ZNRF2: variants seen among roughly 807,000 people sequenced by gnomAD.
ZNRF2 encodes E3 ubiquitin-protein ligase ZNRF2.
Under a neutral mutation model 20.4 loss-of-function variants are expected in ZNRF2, and 16 were observed. The ratio of observed to expected loss-of-function variants is 0.79; its 90% CI spans 0.53 to 1.19. The LOEUF (loss-of-function observed/expected upper bound fraction) is 1.19, where lower values mean the gene tolerates loss of function less well. Ranked by LOEUF, ZNRF2 falls within the 50% of genes most tolerant of loss-of-function variation. The pLI is 0.00. For missense variants in ZNRF2, 363 were observed against 332.4 expected (o/e 1.09, Z -0.72); for synonymous variants, 178 against 144.9 (o/e 1.23, Z -1.64).
At chr7:30,349,642 T>C (rs1799934304) in intron 2 of ZNRF2, among the ~76,000 whole-genome samples, 1 of 152,096 alleles carries the variant, frequency 6.6e-6, no homozygotes, top group African/African-American at 2.4e-5. Context: ...ATTGCCACTA[T>C]GAGCCTACAT....
chr7:30,289,218 G>GC (rs1308452097), intron 1 of ZNRF2, among the ~76,000 whole-genome samples: 1 of 152,210 alleles, frequency 6.6e-6, no homozygotes, highest in Non-Finnish European at 1.5e-5. Context: ...TAACTCAGGT[G>GC]CCTTGCTACT....
intron 2 of ZNRF2, among the ~76,000 whole-genome samples, chr7:30,348,668 T>G (rs1466239688): frequency 6.6e-6 from 1 of 152,212 alleles, no homozygotes; most frequent in Non-Finnish European, 1.5e-5. Flanking sequence ...CAGCTGCCCC[T>G]TTTTGATAGG....
chr7:30,346,169 G>GTTTTTTTTTTTTTTTTTTTTTTT (rs1799874790), intron 2 of ZNRF2, among the ~76,000 whole-genome samples: 1 of 29,616 alleles, frequency 3.4e-5, no homozygotes. Context: ...TGTTAAGTCT[G>GTTTTTTTTTTTTTTTTTTTTTTT]ATTTTTTTTT....
chr7:30,360,042 C>T (rs1207808209), intron 3 of ZNRF2, among the ~76,000 whole-genome samples: 1 of 152,164 alleles, frequency 6.6e-6, no homozygotes, highest in Non-Finnish European at 1.5e-5. Context: ...GTAGATAACC[C>T]TGTAATAGCT....
At chr7:30,299,373 C>T (rs182238614) in intron 1 of ZNRF2, among the ~76,000 whole-genome samples, 1,537 of 151,238 alleles carry the variant, frequency 0.01, 17 homozygotes, top group Non-Finnish European at 0.015. Context: ...GAGTTGAAAT[C>T]GCGCCATGGC....
intron 3 of ZNRF2, 42 bp downstream of exon 3, chr7:30,355,875 A>C: frequency 9.6e-6 from 14 of 1,458,200 alleles, no homozygotes; most frequent in Non-Finnish European, 1.2e-5. Context: ...GATTGTTCTC[A>C]CAGTTTCAGA....
chr7:30,322,902 A>G (rs1412400316), intron 1 of ZNRF2, among the ~76,000 whole-genome samples: 1 of 152,208 alleles, frequency 6.6e-6, no homozygotes, highest in Non-Finnish European at 1.5e-5. Flanking sequence ...AGAGCTGAAT[A>G]CATCAAATAG....
chr7:30,315,729 G>GA (rs1162090463), intron 1 of ZNRF2, among the ~76,000 whole-genome samples: 2 of 87,990 alleles, frequency 2.3e-5, no homozygotes, highest in African/African-American at 3.8e-5. Flanking sequence ...AGGTGGGGCG[G>GA]GGGGGGGGGG....
At chr7:30,304,359 T>C (rs1020114642) in intron 1 of ZNRF2, among the ~76,000 whole-genome samples, 7 of 152,246 alleles carry the variant, frequency 4.6e-5, no homozygotes, top group African/African-American at 1.7e-4. Flanking sequence ...GCCAGATTGC[T>C]TTCTAGGGAA....
chr7:30,317,032 AC>A (rs1799386360), intron 1 of ZNRF2, among the ~76,000 whole-genome samples: 1 of 151,914 alleles, frequency 6.6e-6, no homozygotes, highest in Admixed American at 6.6e-5. Context: ...AAACAATTTT[AC>A]CTTTGAACGG....
chr7:30,332,343 A>G (rs550887422), intron 2 of ZNRF2, among the ~76,000 whole-genome samples: 68 of 152,296 alleles, frequency 4.5e-4, no homozygotes, highest in African/African-American at 1.4e-3. Flanking sequence ...TGAGAGGTAA[A>G]CATGCTGTAG....
intron 1 of ZNRF2, among the ~76,000 whole-genome samples, chr7:30,295,042 AGAGAGAGAGTGTGT>A (rs1798990294): frequency 2.6e-5 from 3 of 114,990 alleles, no homozygotes; most frequent in African/African-American, 1.2e-4. Flanking sequence ...AGAGAGAGAG[AGAGAGAGAGTGTGT>A]GTGTGTGTGT....
intron 1 of ZNRF2, among the ~76,000 whole-genome samples, chr7:30,309,489 C>T (rs911580397): frequency 3.3e-5 from 5 of 152,158 alleles, no homozygotes; most frequent in Non-Finnish European, 7.4e-5. Flanking sequence ...TCTTTGAAAA[C>T]CCAGACATAC....
intron 1 of ZNRF2, among the ~76,000 whole-genome samples, chr7:30,316,315 A>AAG (rs1799375598): frequency 6.7e-6 from 1 of 149,042 alleles, no homozygotes; most frequent in Admixed American, 6.6e-5. Flanking sequence ...AAAAAAAAAA[A>AAG]AAAAAGAATT....
intron 3 of ZNRF2, among the ~76,000 whole-genome samples, chr7:30,356,180 A>G (rs115329542): frequency 6.6e-6 from 1 of 152,330 alleles, no homozygotes; most frequent in African/African-American, 2.4e-5. Context: ...AGTAAATGGC[A>G]GAGTTGAGAT....
At chr7:30,290,733 C>G (rs1210192893) in intron 1 of ZNRF2, among the ~76,000 whole-genome samples, 1 of 152,216 alleles carries the variant, frequency 6.6e-6, no homozygotes, top group African/African-American at 2.4e-5. Flanking sequence ...CACATCAGTT[C>G]TTTCTGCCAC....
chr7:30,360,564 C>T (rs951334347), intron 3 of ZNRF2, among the ~76,000 whole-genome samples: 7 of 151,138 alleles, frequency 4.6e-5, no homozygotes, highest in South Asian at 4.2e-4. Context: ...TGGCAGGTGG[C>T]GCCTGTAATC....
chr7:30,351,197 C>G (rs1799957147), intron 2 of ZNRF2, among the ~76,000 whole-genome samples: 1 of 151,842 alleles, frequency 6.6e-6, no homozygotes. Context: ...AGTGAAATAT[C>G]AAGTAACAGA....
intron 1 of ZNRF2, among the ~76,000 whole-genome samples, chr7:30,314,436 G>A (rs1799335581): frequency 6.6e-6 from 1 of 152,082 alleles, no homozygotes; most frequent in Non-Finnish European, 1.5e-5. Flanking sequence ...AGATTTGTAG[G>A]TTATATGTAT....
Sources: allele counts gnomAD v4.1 joint callset (sites outside exome capture counted in the v4.1 genomes callset), GRCh38; gene constraint gnomAD v4.1.1; transcripts MANE v1.5; gene names NCBI Gene and HGNC (gene_info 2026-07-23, HGNC 2026-07-21).